PSD3: variants seen among roughly 807,000 people sequenced by gnomAD.
PSD3 encodes PH and SEC7 domain-containing protein 3.
Under a neutral mutation model 105.5 loss-of-function variants are expected in PSD3, and 49 were observed. The ratio of observed to expected loss-of-function variants is 0.46; its 90% CI spans 0.37 to 0.59. The LOEUF (loss-of-function observed/expected upper bound fraction) is 0.59, where lower values mean the gene tolerates loss of function less well. PSD3 is among the 20% of genes least tolerant of loss of function. The probability of loss-of-function intolerance (pLI) is 0.00; values close to 1 mark genes in which losing one functional copy is unlikely to be tolerated. For synonymous variants in PSD3, 557 were observed against 457.8 expected (o/e 1.22, Z -2.77); for missense variants, 1,561 against 1,263.8 (o/e 1.24, Z -3.57).
At chr8:18,896,282 A>G (rs866752584) in intron 2 of PSD3, among the ~76,000 whole-genome samples, 4 of 152,342 alleles carry the variant, frequency 2.6e-5, no homozygotes, top group Non-Finnish European at 4.4e-5. Flanking sequence ...TAAACATGGG[A>G]GTGCAGATAG....
intron 1 of PSD3, among the ~76,000 whole-genome samples, chr8:18,952,573 C>G (rs1268783551): frequency 6.6e-6 from 1 of 152,148 alleles, no homozygotes; most frequent in African/African-American, 2.4e-5. Flanking sequence ...CTGTGAGAGA[C>G]TGATAACAAA....
At chr8:18,586,452 T>C (rs1293947449) in intron 12 of PSD3, among the ~76,000 whole-genome samples, 1 of 152,198 alleles carries the variant, frequency 6.6e-6, no homozygotes, top group Non-Finnish European at 1.5e-5. Flanking sequence ...TATACGCTAT[T>C]ACGTAGTTGA....
At chr8:18,922,175 T>C (rs1220442339) in intron 2 of PSD3, among the ~76,000 whole-genome samples, 2 of 152,128 alleles carry the variant, frequency 1.3e-5, no homozygotes, top group African/African-American at 2.4e-5. Context: ...TTCATACACC[T>C]GACAATGAAA....
intron 1 of PSD3, among the ~76,000 whole-genome samples, chr8:18,982,599 T>C (rs1463748151): frequency 6.6e-6 from 1 of 152,222 alleles, no homozygotes; most frequent in African/African-American, 2.4e-5. Context: ...GAATGAATGC[T>C]GAGTTAACAG....
chr8:18,585,310 C>G (rs1803097009), intron 12 of PSD3, among the ~76,000 whole-genome samples: 1 of 152,030 alleles, frequency 6.6e-6, no homozygotes, highest in African/African-American at 2.4e-5. Flanking sequence ...CTGAATAAAG[C>G]CAGTCACTTT....
At chr8:18,900,853 G>A (rs959784846) in intron 2 of PSD3, among the ~76,000 whole-genome samples, 1 of 151,976 alleles carries the variant, frequency 6.6e-6, no homozygotes, top group African/African-American at 2.4e-5. Context: ...GGTTCACATG[G>A]AGCTGTTAGC....
At chr8:18,537,722 G>C (rs1306169248) in intron 15 of PSD3, among the ~76,000 whole-genome samples, 3 of 151,874 alleles carry the variant, frequency 2.0e-5, no homozygotes, top group Admixed American at 6.6e-5. Context: ...TGTCATCCAG[G>C]CTGGAGTGCA....
intron 12 of PSD3, among the ~76,000 whole-genome samples, chr8:18,594,761 C>T (rs189995789): frequency 3.8e-4 from 58 of 151,966 alleles, no homozygotes; most frequent in African/African-American, 1.3e-3. Flanking sequence ...CTTCTGTACA[C>T]GTTTTACATC....
chr8:18,627,331 G>C (rs1055457301), intron 11 of PSD3, among the ~76,000 whole-genome samples: 5 of 152,014 alleles, frequency 3.3e-5, no homozygotes, highest in African/African-American at 1.2e-4. Flanking sequence ...GCGTAAAACA[G>C]AGGGGAGAGT....
chr8:18,725,613 A>G (rs1380654984), intron 9 of PSD3, among the ~76,000 whole-genome samples: 1 of 152,156 alleles, frequency 6.6e-6, no homozygotes, highest in African/African-American at 2.4e-5. Flanking sequence ...TCCCAAAGTA[A>G]AGGACAGCCA....
intron 1 of PSD3, among the ~76,000 whole-genome samples, chr8:19,037,134 C>T (rs10105939): frequency 2.0e-4 from 31 of 152,344 alleles, no homozygotes; most frequent in Non-Finnish European, 3.2e-4. Flanking sequence ...ATATTTTGAT[C>T]GCTTAAGCCT....
chr8:18,762,912 A>G (rs1394669501), intron 9 of PSD3: 7 of 1,268,340 alleles, frequency 5.5e-6, no homozygotes, highest in African/African-American at 3.1e-5. Context: ...TTATTTCAAC[A>G]TGGAATAACT....
intron 9 of PSD3, among the ~76,000 whole-genome samples, chr8:18,745,390 C>G (rs919227754): frequency 6.6e-6 from 1 of 152,168 alleles, no homozygotes; most frequent in African/African-American, 2.4e-5. Flanking sequence ...AACGGATATT[C>G]ATTTTCTTCT....
At chr8:18,637,394 A>G (rs1807333455) in intron 10 of PSD3, among the ~76,000 whole-genome samples, 1 of 152,212 alleles carries the variant, frequency 6.6e-6, no homozygotes, top group Admixed American at 6.5e-5. Flanking sequence ...TAGATAATGT[A>G]TAGAGTCATG....
At chr8:18,989,887 T>C (rs1159838318) in intron 1 of PSD3, among the ~76,000 whole-genome samples, 1 of 152,202 alleles carries the variant, frequency 6.6e-6, no homozygotes, top group East Asian at 1.9e-4. Context: ...AAGAAGCTTA[T>C]AGTCTAGGTG....
At chr8:18,950,559 C>T (rs1554550906) in intron 1 of PSD3, among the ~76,000 whole-genome samples, 1 of 152,144 alleles carries the variant, frequency 6.6e-6, no homozygotes, top group Non-Finnish European at 1.5e-5. Flanking sequence ...CCTCTGGTAA[C>T]CACTATTCCG....
intron 9 of PSD3, among the ~76,000 whole-genome samples, chr8:18,665,705 G>A (rs1325931610): frequency 6.6e-6 from 1 of 152,184 alleles, no homozygotes; most frequent in Admixed American, 6.5e-5. Context: ...GTCTACAGCT[G>A]GGTGTGGGTG....
intron 1 of PSD3, among the ~76,000 whole-genome samples, chr8:18,946,403 C>T (rs1328282555): frequency 3.3e-5 from 5 of 151,860 alleles, no homozygotes; most frequent in Admixed American, 3.3e-4. Context: ...CAGCCAGACC[C>T]CTGTCCAAAA....
intron 1 of PSD3, among the ~76,000 whole-genome samples, chr8:19,033,700 C>A (rs912466610): frequency 6.6e-6 from 1 of 151,920 alleles, no homozygotes; most frequent in Non-Finnish European, 1.5e-5. Context: ...CATTCATACC[C>A]AATTATCTTA....
Sources: gnomAD v4.1 joint callset for allele counts (sites outside exome capture counted in the v4.1 genomes callset) on GRCh38, gnomAD v4.1.1 for gene constraint, MANE v1.5 for transcripts, NCBI Gene and HGNC (gene_info 2026-07-23, HGNC 2026-07-21) for gene names.